HERC1: variants seen among roughly 807,000 people sequenced by gnomAD.
The protein encoded by HERC1 is HECT and RLD domain containing E3 ubiquitin protein ligase family member 1.
Under a neutral mutation model 554.3 loss-of-function variants are expected in HERC1, and 160 were observed. The observed-to-expected ratio is 0.29, with a 90% CI of 0.25 to 0.33. The LOEUF (loss-of-function observed/expected upper bound fraction) is 0.33, where lower values mean the gene tolerates loss of function less well. Among genes scored for constraint, HERC1 ranks in the 10% least tolerant of loss-of-function variants. The pLI is 1.00. For missense variants in HERC1, 4,919 were observed against 5,918.5 expected, an observed-to-expected ratio of 0.83 and a Z score of 5.54; for synonymous variants, 2,175 against 2,131.7, an observed-to-expected ratio of 1.02 and a Z score of -0.56.
chr15:63,754,572 G>A lies in HERC1; in HGVS notation c.1707C>T (p.Gly569=). 1.2e-6 allele frequency: 2 copies of A among 1,613,244 alleles called. No homozygotes were observed. Among genetic ancestry groups the A allele is most frequent in the South Asian group, 2.2e-5 (2 of 91,052 alleles). ...DISNVGEVSC[G]SSHTIALSKD... ...TAGACAGAGCAATAGTATGTGAACTGCCACAAGAAACCTCTCCTACATTGC... is the reference window on the plus strand; with the variant it reads ...TAGACAGAGCAATAGTATGTGAACTACCACAAGAAACCTCTCCTACATTGC... The change falls in exon 7 of 78, where the codon GGC becomes GGT. Residue 569 remains glycine (G), a synonymous_variant. Coordinates refer to ENST00000443617, the MANE Select transcript of HERC1 (RefSeq NM_003922.4).
intron 50 of HERC1, among the ~76,000 whole-genome samples, chr15:63,654,924 G>C (rs907135494): frequency 6.6e-6 from 1 of 152,078 alleles, no homozygotes; most frequent in Non-Finnish European, 1.5e-5. Flanking sequence ...CAAGGACTCA[G>C]TAGACTAAGA....
At chr15:63,620,047 G>C (rs953991964) in intron 74 of HERC1, among the ~76,000 whole-genome samples, 2 of 152,148 alleles carry the variant, frequency 1.3e-5, no homozygotes, top group Non-Finnish European at 2.9e-5. Context: ...TTTTGAATGT[G>C]TTTGCTCTTG....
At position 63,758,187 on chromosome 15, in the gene HERC1, A is replaced by G; in HGVS notation, c.1209T>C (p.Ser403=). The change falls in exon 4 of 78, where the codon TCT becomes TCC. Residue 403 remains serine, a synonymous_variant. Coordinates refer to ENST00000443617, the MANE Select transcript of HERC1 (RefSeq NM_003922.4). This position sits in a 1 kb window ranked among gnomAD's most constrained non-coding sequence, Gnocchi z 4.0. ...ILQPKLAPSF[S]DAQTIEAGQY... is the part of the protein sequence containing the mutation. ...TTAGAAAACTTACGGTCTGTGCATC[A>G]GAGAAACTAGGAGCCAGTTTGGGTT... 6.2e-7 allele frequency: 1 copy of G among 1,609,600 alleles called. No individual in the cohort carries two copies. Among genetic ancestry groups the G allele is most frequent in the African/African-American group, 1.3e-5 (1 of 75,008 alleles).
At position 63,738,683 on chromosome 15, in the gene HERC1, G is replaced by C. The variant is rs143260232; in HGVS notation, c.2521-3834C>G. ...ATAAGTTTCAGAAATAAGAAAAGAG[G>C]AACACAAATAGCTGTAAACAGAAAC... On this transcript the variant is annotated intron_variant, in intron 12 of 77. Coordinates refer to ENST00000443617, the MANE Select transcript of HERC1 (RefSeq NM_003922.4). Among the ~76,000 whole-genome samples, 291 of 152,166 alleles carry C rather than the reference G, an allele frequency of 1.9e-3. 1 individual carries two copies. The highest frequency in any genetic ancestry group is 6.5e-3 in the African/African-American group (269 of 41,550).
intron 11 of HERC1, 120 bp downstream of exon 11, chr15:63,747,604 A>C: frequency 9.4e-6 from 5 of 532,656 alleles, no homozygotes; most frequent in Non-Finnish European, 1.6e-5. Context: ...AGTTTCATAT[A>C]ATTTGGGAAA....
chr15:63,829,559 GTGTATATATATA>G (rs1421712853), intron 1 of HERC1, among the ~76,000 whole-genome samples: 1,148 of 94,642 alleles, frequency 0.012, 18 homozygotes, highest in African/African-American at 0.044. Context: ...GTGTGTGTGT[GTGTATATATATA>G]TATATATATA....
At chr15:63,659,616 G>T in intron 47 of HERC1, 120 bp downstream of exon 47, 1 of 711,000 alleles carries the variant, frequency 1.4e-6, no homozygotes, top group Non-Finnish European at 2.4e-6. Context: ...ACTTGTTGGG[G>T]TGAGATAATG....
At chr15:63,618,565 T>C (rs1382106485) in intron 74 of HERC1, among the ~76,000 whole-genome samples, 1 of 152,102 alleles carries the variant, frequency 6.6e-6, no homozygotes, top group African/African-American at 2.4e-5. Flanking sequence ...TTGATGGGGA[T>C]GGCATTGAAT....
At chr15:63,742,961 G>C (rs757510326) in intron 12 of HERC1, among the ~76,000 whole-genome samples, 3 of 152,010 alleles carry the variant, frequency 2.0e-5, no homozygotes, top group Non-Finnish European at 4.4e-5. Context: ...GCAATGTTTT[G>C]GTCCACAATT....
At chr15:63,683,974 C>T (rs1007599072) in intron 34 of HERC1, among the ~76,000 whole-genome samples, 1 of 152,218 alleles carries the variant, frequency 6.6e-6, no homozygotes, top group Admixed American at 6.5e-5. Context: ...CAGGCACAAG[C>T]TGAATGAACA....
At chr15:63,796,136 T>A (rs2076806119) in intron 1 of HERC1, among the ~76,000 whole-genome samples, 1 of 152,220 alleles carries the variant, frequency 6.6e-6, no homozygotes, top group African/African-American at 2.4e-5. Flanking sequence ...TATTCCTAGT[T>A]AAATAGGGAG....
intron 34 of HERC1, among the ~76,000 whole-genome samples, chr15:63,683,662 T>C (rs1298833445): frequency 6.6e-6 from 1 of 152,176 alleles, no homozygotes; most frequent in Admixed American, 6.5e-5. Flanking sequence ...TGTTTTTGTT[T>C]TTAAGAGATA....
intron 1 of HERC1, among the ~76,000 whole-genome samples, chr15:63,831,795 C>A (rs1218354631): frequency 6.6e-6 from 1 of 152,140 alleles, no homozygotes; most frequent in African/African-American, 2.4e-5. Flanking sequence ...TCCAAAATTT[C>A]TTTAAATTGA....
intron 12 of HERC1, among the ~76,000 whole-genome samples, chr15:63,735,550 A>T (rs544641886): frequency 6.6e-6 from 1 of 152,270 alleles, no homozygotes; most frequent in South Asian, 2.1e-4. Flanking sequence ...ATAAAAAAAA[A>T]AAAAAGAATT....
At chr15:63,630,993 A>C (rs1053477050) in intron 68 of HERC1, among the ~76,000 whole-genome samples, 16 of 152,120 alleles carry the variant, frequency 1.1e-4, no homozygotes, top group Admixed American at 9.8e-4. Context: ...TTCTTTTTTG[A>C]GACAGGGTCT....
chr15:63,638,563 T>TA lies in HERC1; in HGVS notation c.11968-28dup, dbSNP rs1194945097. The TA allele has an allele frequency of 2.5e-6, 4 of 1,613,546 alleles. No homozygotes were observed. In the Admixed American group the frequency reaches 6.7e-5, roughly 27 times the overall value. ...TAGAAAACCACAATCATCTCAAAATTAGAGTCATCCATTCACTCAAACAGC... is the reference window on the plus strand; with the variant it reads ...TAGAAAACCACAATCATCTCAAAATTAAGAGTCATCCATTCACTCAAACAGC... On this transcript the variant is annotated intron_variant, in intron 62 of 77. Coordinates refer to ENST00000443617, the MANE Select transcript of HERC1 (RefSeq NM_003922.4).
At chr15:63,703,841 T>C (rs1047837396) in intron 25 of HERC1, among the ~76,000 whole-genome samples, 9 of 151,402 alleles carry the variant, frequency 5.9e-5, no homozygotes, top group African/African-American at 1.5e-4. Flanking sequence ...CCTGGGGAGG[T>C]TGAGCCTCAG....
chr15:63,645,586 A>G lies in HERC1; in HGVS notation c.10975T>C (p.Cys3659Arg). 6.2e-7 allele frequency: 1 copy of G among 1,613,502 alleles called. No homozygotes were observed. Among genetic ancestry groups the G allele is most frequent in the East Asian group, 2.2e-5 (1 of 44,844 alleles). ...CAGAGTGAATGTAGACAGCACCAGC[A>G]TCCCGAAATAGAGCCCCAGAGTTTC... is the stretch of plus-strand genomic sequence containing the variant. ...SVKLWGSISG[C>R]WCCLHSLCHP... Residue 3659 changes from cysteine to arginine, a missense_variant, in exon 56 of 78, where the codon TGC becomes CGC. Around this residue, in one of 11 missense-constraint regions of HERC1, gnomAD observed 1,963 missense variants for 2,228.6 expected, o/e 0.88. Transcript: ENST00000443617.
At chr15:63,771,496 T>A (rs576105862) in intron 2 of HERC1, among the ~76,000 whole-genome samples, 33 of 151,606 alleles carry the variant, frequency 2.2e-4, no homozygotes, top group Non-Finnish European at 3.5e-4. Context: ...AATGGTGCGA[T>A]CTCAGCTCAC....
Sources: allele counts gnomAD v4.1 joint callset (sites outside exome capture counted in the v4.1 genomes callset), GRCh38; gene constraint gnomAD v4.1.1; regional missense constraint gnomAD v4.1.1; non-coding constraint Gnocchi (gnomAD v3.1); transcripts MANE v1.5; gene names NCBI Gene and HGNC (gene_info 2026-07-23, HGNC 2026-07-21).